TSNARE1: variants seen among roughly 807,000 people sequenced by gnomAD.
The protein encoded by TSNARE1 is t-SNARE domain containing 1.
A neutral mutation model predicts 62.0 loss-of-function variants in TSNARE1; 49 were observed. The ratio of observed to expected loss-of-function variants is 0.79; its 90% CI spans 0.63 to 1.00. The LOEUF is 1.00. Ranked by LOEUF, TSNARE1 falls within the 50% of genes least tolerant of loss-of-function variation. The pLI is 0.00. For missense variants in TSNARE1, 755 were observed against 700.1 expected, an observed-to-expected ratio of 1.08 and a Z score of -0.88; for synonymous variants, 328 against 294.4, an observed-to-expected ratio of 1.11 and a Z score of -1.17.
chr8:142,399,495 T>C (rs1838134934), intron 1 of TSNARE1, among the ~76,000 whole-genome samples: 2 of 152,154 alleles, frequency 1.3e-5, no homozygotes, highest in Non-Finnish European at 2.9e-5. Flanking sequence ...CCCAGCTGCC[T>C]CAATGCGCCC....
chr8:142,261,908 G>C (rs951569317), intron 12 of TSNARE1, among the ~76,000 whole-genome samples: 7 of 152,172 alleles, frequency 4.6e-5, no homozygotes, highest in Non-Finnish European at 1.0e-4. Flanking sequence ...TTATGCCCAG[G>C]AGAGTCCTGC....
rs1030527603 is a variant in TSNARE1 at position 142,344,447 on chromosome 8, G to C, written c.264C>G (p.Ser88Arg). Residue 88 changes from serine (S) to arginine (R), a missense_variant, in exon 4 of 14, where the codon AGC becomes AGG. Coordinates refer to ENST00000524325, the MANE Select transcript of TSNARE1 (RefSeq NM_145003.5). Reference sequence around the variant, plus strand: ...GTGATGAGGTGGGCTCCGGCATCCGGCTGCCTTCAGGGGCAACCCCAGGCC... The same window carrying C: ...GTGATGAGGTGGGCTCCGGCATCCGCCTGCCTTCAGGGGCAACCCCAGGCC... ...KRGPGVAPEG[S>R]RMPEPTSSPT... The C allele has an allele frequency of 8.9e-6, 14 of 1,574,696 alleles. No individual in the cohort carries two copies. The highest frequency in any genetic ancestry group is 1.2e-5 in the Non-Finnish European group (14 of 1,161,998).
intron 13 of TSNARE1, among the ~76,000 whole-genome samples, chr8:142,223,193 T>TTCATCCACTCACTCACTCATTCAC (rs1563756992): frequency 1.0e-4 from 1 of 9,670 alleles, no homozygotes. Context: ...CATTCACTCG[T>TTCATCCACTCACTCACTCATTCAC]TCACTCACTC....
intron 1 of TSNARE1, among the ~76,000 whole-genome samples, chr8:142,358,398 G>A (rs928618230): frequency 6.6e-6 from 1 of 152,158 alleles, no homozygotes; most frequent in Non-Finnish European, 1.5e-5. Context: ...ATGGGAGGAG[G>A]GAAGGGATTC....
chr8:142,345,659 AC>A (rs761852130), intron 3 of TSNARE1, 83 bp downstream of exon 3: 16 of 1,429,054 alleles, frequency 1.1e-5, no homozygotes, highest in Non-Finnish European at 1.5e-5. Flanking sequence ...TGCAGCTCCC[AC>A]CTGCTGACCC....
At chr8:142,286,529 G>A (rs1304350710) in intron 10 of TSNARE1, among the ~76,000 whole-genome samples, 1 of 152,216 alleles carries the variant, frequency 6.6e-6, no homozygotes, top group Non-Finnish European at 1.5e-5. Flanking sequence ...GGGGCCCAGG[G>A]GTCATGGCTT....
chr8:142,242,976 C>T (rs367847215), intron 12 of TSNARE1, among the ~76,000 whole-genome samples: 27 of 124,556 alleles, frequency 2.2e-4, no homozygotes, highest in African/African-American at 7.6e-4. Flanking sequence ...AAAAAGCTAA[C>T]AGATATATGA....
At chr8:142,340,265 T>C (rs1183065815) in intron 4 of TSNARE1, among the ~76,000 whole-genome samples, 1 of 152,216 alleles carries the variant, frequency 6.6e-6, no homozygotes, top group Non-Finnish European at 1.5e-5. Context: ...GGCCGAGGCA[T>C]GTCCCGTGTT....
At chr8:142,229,316 G>C (rs888845476) in intron 13 of TSNARE1, among the ~76,000 whole-genome samples, 157 bp downstream of exon 13, 2 of 151,966 alleles carry the variant, frequency 1.3e-5, no homozygotes, top group African/African-American at 4.8e-5. Flanking sequence ...ATGGTGGATG[G>C]GTAGATGGAT....
chr8:142,295,816 C>T (rs1162517990), intron 10 of TSNARE1, among the ~76,000 whole-genome samples: 1 of 151,744 alleles, frequency 6.6e-6, no homozygotes, highest in African/African-American at 2.4e-5. Context: ...CTGCCTGCAC[C>T]TCCAACCCCC....
chr8:142,404,067 C>G (rs116262500), upstream of TSNARE1: 2 of 152,278 alleles, frequency 1.3e-5, no homozygotes, highest in African/African-American at 2.4e-5. Flanking sequence ...GCACCTTCTC[C>G]GGCAAGCGGA....
At chr8:142,270,915 A>G in intron 12 of TSNARE1, 1 of 985,502 alleles carries the variant, frequency 1.0e-6, no homozygotes, top group Non-Finnish European at 1.2e-6. Context: ...CAAGGACGCG[A>G]CATCACAGGT....
chr8:142,255,938 T>C (rs867025738), intron 12 of TSNARE1, among the ~76,000 whole-genome samples: 13 of 9,918 alleles, frequency 1.3e-3, no homozygotes, highest in South Asian at 3.8e-3. Context: ...ACCATCACCA[T>C]CACCACCATC....
intron 7 of TSNARE1, among the ~76,000 whole-genome samples, chr8:142,315,322 C>G (rs1828358830): frequency 6.6e-6 from 1 of 152,210 alleles, no homozygotes; most frequent in African/African-American, 2.4e-5. Context: ...CCTGCCGGAG[C>G]CAGGAGCTAC....
chr8:142,344,073 G>C lies in TSNARE1; in HGVS notation c.638C>G (p.Ser213Cys). 7 of 1,604,346 alleles carry C rather than the reference G, an allele frequency of 4.4e-6. No individual in the cohort carries two copies. Among genetic ancestry groups the C allele is most frequent in the Non-Finnish European group, 4.3e-6 (5 of 1,174,010 alleles). Residue 213 changes from serine to cysteine, a missense_variant, in exon 4 of 14, where the codon TCC becomes TGC. Transcript: ENST00000524325. ...GAGAGCCAGGGCCTGGGGCTTGCCG[G>C]AACCAGGGCTGGGGCCATGGGCCGC... ...RKAAHGPSPG[S>C]GKPQALALTP...
intron 9 of TSNARE1, 151 bp from the exon 10 acceptor site, chr8:142,300,795 C>T (rs1825609106): frequency 3.2e-6 from 3 of 949,544 alleles, no homozygotes; most frequent in South Asian, 1.8e-5. Flanking sequence ...GGGCCTTCTG[C>T]GGCCACGAGC....
intron 7 of TSNARE1, among the ~76,000 whole-genome samples, chr8:142,317,321 C>CAT (rs1828721122): frequency 7.7e-6 from 1 of 130,370 alleles, no homozygotes; most frequent in African/African-American, 2.8e-5. Context: ...TCACACTGTA[C>CAT]GTGTGAAGCG....
intron 6 of TSNARE1, among the ~76,000 whole-genome samples, chr8:142,321,432 G>A (rs1829464166): frequency 6.6e-6 from 1 of 152,086 alleles, no homozygotes; most frequent in South Asian, 2.1e-4. Context: ...ACCTAAAGAA[G>A]CCAGCAAATT....
In TSNARE1 at chr8:142,300,521, T is replaced by C. The variant is rs762451881; in HGVS notation, c.1255A>G (p.Ile419Val). ...AGGATGGCCTCCTCCCGCAGCCGGA[T>C]GGCCTCCAGGTCCTCTTCAGTGATG... Reference protein sequence around the residue: ...PDITEEDLEAIRLREEAILQM... With the variant: ...PDITEEDLEAVRLREEAILQM... The change falls in exon 10 of 14, where the codon ATC becomes GTC. Residue 419 changes from isoleucine (I) to valine (V), a missense_variant. By Grantham distance (29) the Ile-to-Val change is conservative. Coordinates refer to ENST00000524325, the MANE Select transcript of TSNARE1 (RefSeq NM_145003.5). 2 of 1,609,802 alleles carry C rather than the reference T, an allele frequency of 1.2e-6. No homozygotes were observed. Among genetic ancestry groups the C allele is most frequent in the Non-Finnish European group, 1.7e-6 (2 of 1,179,690 alleles).
Sources: allele counts gnomAD v4.1 joint callset (sites outside exome capture counted in the v4.1 genomes callset), GRCh38; gene constraint gnomAD v4.1.1; transcripts MANE v1.5; gene names NCBI Gene and HGNC (gene_info 2026-07-23, HGNC 2026-07-21).